OLFM3: variants seen among roughly 807,000 people sequenced by gnomAD.
The protein encoded by OLFM3 is noelin-3.
A neutral mutation model predicts 48.6 loss-of-function variants in OLFM3; 20 were observed. That is an observed-to-expected ratio of 0.41 (90% confidence interval 0.29 to 0.60). The LOEUF (loss-of-function observed/expected upper bound fraction) is 0.60, where lower values mean the gene tolerates loss of function less well. Among genes scored for constraint, OLFM3 ranks in the 20% least tolerant of loss-of-function variants. The probability of loss-of-function intolerance (pLI) is 0.28; values close to 1 mark genes in which losing one functional copy is unlikely to be tolerated. For missense variants in OLFM3, 437 were observed against 544.3 expected (o/e 0.80, Z 1.96); for synonymous variants, 222 against 198.1 (o/e 1.12, Z -1.01).
At chr1:101,946,247 A>T (rs1171239239) in intron 1 of OLFM3, among the ~76,000 whole-genome samples, 1 of 152,232 alleles carries the variant, frequency 6.6e-6, no homozygotes, top group Non-Finnish European at 1.5e-5. Flanking sequence ...TAAATAATGA[A>T]TTAATTTTCT....
intron 1 of OLFM3, among the ~76,000 whole-genome samples, chr1:101,850,555 AT>A (rs1656184763): frequency 6.6e-6 from 1 of 152,128 alleles, no homozygotes; most frequent in Non-Finnish European, 1.5e-5. Context: ...AATCATATAT[AT>A]TTCCTAGTTT....
At chr1:101,940,118 G>A (rs1659741112) in intron 1 of OLFM3, among the ~76,000 whole-genome samples, 1 of 152,110 alleles carries the variant, frequency 6.6e-6, no homozygotes, top group Non-Finnish European at 1.5e-5. Context: ...GTGTGTTTGT[G>A]ATGGGCAAGT....
At position 101,825,250 on chromosome 1, in the gene OLFM3, GA is replaced by G. The variant is rs1212866633; in HGVS notation, c.373-6del. On this transcript the variant is annotated splice_polypyrimidine_tract_variant and splice_region_variant and intron_variant, in intron 3 of 5. Transcript: ENST00000370103. ...GTCCATTTTCTCTTTCAACTCCTGT[GA>G]AAAGCAGCCTATTGTTCCTGAGAGT... 6.2e-7 allele frequency: 1 copy of G among 1,611,208 alleles called. No homozygotes were observed. Among genetic ancestry groups the G allele is most frequent in the African/African-American group, 1.3e-5 (1 of 74,878 alleles).
At chr1:101,960,722 A>G (rs1040118985) in intron 1 of OLFM3, among the ~76,000 whole-genome samples, 6 of 152,144 alleles carry the variant, frequency 3.9e-5, no homozygotes, top group African/African-American at 1.4e-4. Flanking sequence ...AGGCTTTATA[A>G]TATCTTCAGT....
At chr1:101,934,364 A>C (rs1340302383) in intron 1 of OLFM3, among the ~76,000 whole-genome samples, 1 of 152,194 alleles carries the variant, frequency 6.6e-6, no homozygotes, top group Non-Finnish European at 1.5e-5. Flanking sequence ...TAATCAGAAA[A>C]GGCAAAGAAG....
intron 4 of OLFM3, among the ~76,000 whole-genome samples, chr1:101,821,710 C>G (rs914677684): frequency 3.3e-5 from 5 of 152,012 alleles, no homozygotes; most frequent in African/African-American, 1.2e-4. Flanking sequence ...CTGAAGGCTG[C>G]TAATAATCTA....
At chr1:101,906,589 T>C (rs1454980466) in intron 1 of OLFM3, among the ~76,000 whole-genome samples, 1 of 152,150 alleles carries the variant, frequency 6.6e-6, no homozygotes, top group Admixed American at 6.5e-5. Context: ...AGTTCTGTCA[T>C]ATTTGAAAAC....
intron 4 of OLFM3, among the ~76,000 whole-genome samples, chr1:101,816,401 T>A (rs193257817): frequency 2.0e-5 from 3 of 152,298 alleles, no homozygotes; most frequent in Middle Eastern, 3.4e-3. Context: ...ATTAAATAAA[T>A]GAATCCCATG....
rs566929010 is a variant in OLFM3, at chr1:101,932,281, A to C, written c.69+64467T>G. Among the ~76,000 whole-genome samples, 12 of 152,354 alleles carry C rather than the reference A, an allele frequency of 7.9e-5. No individual in the cohort carries two copies. The East Asian group carries it at 2.1e-3, about 27-fold the overall frequency. ...ATTCAGTAAGATTATAGTGAGACCCAGGAGTAAGCATTTTAAAAGTGGATT... is the reference window on the plus strand; with the variant it reads ...ATTCAGTAAGATTATAGTGAGACCCCGGAGTAAGCATTTTAAAAGTGGATT... On this transcript the variant is annotated intron_variant, in intron 1 of 5. Transcript: ENST00000370103.
chr1:101,863,102 A>G lies in OLFM3; in HGVS notation c.70-26077T>C, dbSNP rs1656718369. Among the ~76,000 whole-genome samples, 6 of 151,954 alleles carry G rather than the reference A, an allele frequency of 3.9e-5. No individual in the cohort carries two copies. In the South Asian group the frequency reaches 1.2e-3, roughly 32 times the overall value. ...CAGCCTCCCAAGTAGCTGAGATTAC[A>G]GGCATGAGCCATCACACTTGGTTAA... On this transcript the variant is annotated intron_variant, in intron 1 of 5. Transcript: ENST00000370103.
chr1:101,803,844 A>G lies in OLFM3; in HGVS notation c.*394T>C, dbSNP rs1224447931. ...TTTTGTTCTCCTAATTCCTACCAAA[A>G]TATTTCCTGATATGGAGCAAAAGAC... On this transcript the variant is annotated 3_prime_UTR_variant, in exon 6 of 6. Transcript: ENST00000370103. The G allele has an allele frequency of 2.6e-5, 4 of 154,320 alleles. No individual in the cohort carries two copies. Among genetic ancestry groups the G allele is most frequent in the African/African-American group, 7.2e-5 (3 of 41,454 alleles). 9.6% of individuals were successfully genotyped at this position (154,320 alleles called of 1,614,324 possible).
chr1:101,991,135 A>C, intron 1 of OLFM3, among the ~76,000 whole-genome samples: 1 of 133,748 alleles, frequency 7.5e-6, no homozygotes, highest in East Asian at 2.1e-4. Flanking sequence ...CCATTTCAAC[A>C]TCATATTGTA....
chr1:101,953,043 A>G (rs927381598), intron 1 of OLFM3, among the ~76,000 whole-genome samples: 1 of 152,190 alleles, frequency 6.6e-6, no homozygotes, highest in South Asian at 2.1e-4. Context: ...ACAAAAATGC[A>G]TGCTAGTTTC....
At chr1:101,831,250 G>A (rs969731186) in intron 2 of OLFM3, among the ~76,000 whole-genome samples, 8 of 152,072 alleles carry the variant, frequency 5.3e-5, no homozygotes, top group African/African-American at 9.7e-5. Flanking sequence ...GTGAAGTGTC[G>A]AAGAGGCCTA....
In OLFM3 at chr1:101,837,012, G is replaced by A. The variant is rs1219057817; in HGVS notation, c.83C>T (p.Pro28Leu). 6.2e-7 allele frequency: 1 copy of A among 1,611,842 alleles called. No individual in the cohort carries two copies. Among genetic ancestry groups the A allele is most frequent in the South Asian group, 1.1e-5 (1 of 90,754 alleles). Residue 28 changes from proline (P) to leucine (L), a missense_variant, in exon 2 of 6, where the codon CCT (proline) becomes CTT (leucine). This residue lies in a region of OLFM3 where 314 missense variants were observed against 365.5 expected (regional missense o/e 0.86). Transcript: ENST00000370103. ...GLDPSKTQIS[P>L]KEGWQVYSSA... ...GCTGTACACCTGCCACCCTTCTTTA[G>A]GACTAATCTGAGTCTGAGGAAACCA...
chr1:101,991,014 A>ATATATATATATAT (rs1303098017), intron 1 of OLFM3, among the ~76,000 whole-genome samples: 2 of 67,148 alleles, frequency 3.0e-5, no homozygotes, highest in African/African-American at 6.1e-5. Context: ...AAAAAAAAAA[A>ATATATATATATAT]AAATATATAT....
chr1:101,866,285 A>G (rs1410253370), intron 1 of OLFM3, among the ~76,000 whole-genome samples: 1 of 152,172 alleles, frequency 6.6e-6, no homozygotes, highest in Non-Finnish European at 1.5e-5. Flanking sequence ...TTTGAATAAA[A>G]TGTATTTTTG....
chr1:101,970,707 T>A (rs551222472), intron 1 of OLFM3, among the ~76,000 whole-genome samples: 1 of 152,310 alleles, frequency 6.6e-6, no homozygotes, highest in South Asian at 2.1e-4. Flanking sequence ...TTAGCTTTTG[T>A]AATGATTTCC....
rs74107161 is a variant in OLFM3, at chr1:101,941,116, C to T, written c.69+55632G>A. ...TCCCATTTTACTTCACAGAAAAGTG[C>T]GAAGTGTGATGGCACCAGCAGATTG... On this transcript the variant is annotated intron_variant, in intron 1 of 5. Coordinates refer to ENST00000370103, the MANE Select transcript of OLFM3 (RefSeq NM_058170.4). 8.2e-3 allele frequency among the ~76,000 whole-genome samples: 1,245 copies of T among 152,164 alleles called. 19 individuals carry two copies. Among genetic ancestry groups the T allele is most frequent in the African/African-American group, 0.028 (1,181 of 41,488 alleles).
Sources: gnomAD v4.1 joint callset for allele counts (sites outside exome capture counted in the v4.1 genomes callset) on GRCh38, gnomAD v4.1.1 for gene constraint, gnomAD v4.1.1 regional missense constraint, MANE v1.5 for transcripts, NCBI Gene and HGNC (gene_info 2026-07-23, HGNC 2026-07-21) for gene names.